NEBL: variants seen among roughly 807,000 people sequenced by gnomAD.
NEBL encodes nebulette, also known as LIM and SH3 protein 2.
NEBL carries 122 observed loss-of-function variants against 140.2 expected under a neutral mutation model. The observed-to-expected ratio is 0.87, with a 90% confidence interval of 0.75 to 1.01. The LOEUF is 1.01. Ranked by LOEUF, NEBL falls within the 50% of genes least tolerant of loss-of-function variation. The pLI, the probability that NEBL is intolerant of heterozygous loss-of-function variation, is 0.00. For synonymous variants in NEBL, 436 were observed against 398.9 expected, an observed-to-expected ratio of 1.09 and a Z score of -1.11; for missense variants, 1,365 against 1,231.3, an observed-to-expected ratio of 1.11 and a Z score of -1.62.
intron 2 of NEBL, among the ~76,000 whole-genome samples, chr10:21,117,055 G>A (rs1266380305): frequency 6.6e-6 from 1 of 151,956 alleles, no homozygotes; most frequent in East Asian, 1.9e-4. Flanking sequence ...TTTAAATATT[G>A]CTGAGCTTGA....
intron 2 of NEBL, among the ~76,000 whole-genome samples, chr10:21,158,841 C>T (rs764578734): frequency 1.8e-4 from 28 of 152,334 alleles, no homozygotes; most frequent in South Asian, 4.1e-4. Context: ...ATAGGAATTG[C>T]ATGAAAGCTA....
At chr10:21,218,752 C>T (rs1417741164) in intron 3 of NEBL, among the ~76,000 whole-genome samples, 1 of 152,152 alleles carries the variant, frequency 6.6e-6, no homozygotes, top group Non-Finnish European at 1.5e-5. Flanking sequence ...AGTGATCAGA[C>T]TTGGGGACAC....
rs560000213 is a variant in NEBL, at chr10:20,903,947, G to C, written c.357+57725C>G. ...AAGTGACAAGTGCACTAAAATCTCA[G>C]ACATCAACATGATAAAATTCATCCA... On this transcript the variant is annotated intron_variant, in intron 4 of 6. Transcript: ENST00000417816. Among the ~76,000 whole-genome samples the C allele has an allele frequency of 4.0e-5, 6 of 151,430 alleles. No homozygotes were observed. The South Asian group carries it at 1.3e-3, about 32-fold the overall frequency.
intron 5 of NEBL, among the ~76,000 whole-genome samples, chr10:20,873,619 C>T (rs1329490306): frequency 1.3e-5 from 2 of 152,108 alleles, no homozygotes; most frequent in Non-Finnish European, 2.9e-5. Context: ...AAGGACTTAA[C>T]ATTCACTCCC....
chr10:20,922,607 A>AT (rs1184642695), intron 4 of NEBL, among the ~76,000 whole-genome samples: 1 of 152,222 alleles, frequency 6.6e-6, no homozygotes, highest in Non-Finnish European at 1.5e-5. Context: ...AGGGAAGGAG[A>AT]TTCTACAAAC....
rs760289924 is a variant in NEBL at position 21,020,148 on chromosome 10, C to T, written c.218G>A (p.Arg73His). ...CTGCAATTCACTTTGCTGCTTCAGG[C>T]GAAGATTTTCAGGTGTATCTGCCAC... The change falls in exon 3 of 7, where the codon CGC becomes CAC. Residue 73 changes from arginine to histidine, a missense_variant. Arg to His is a conservative substitution (Grantham distance 29). Coordinates refer to the NEBL transcript ENST00000417816. 1.2e-6 allele frequency: 2 copies of T among 1,614,070 alleles called. No individual in the cohort carries two copies. Among genetic ancestry groups the T allele is most frequent in the Non-Finnish European group, 8.5e-7 (1 of 1,179,970 alleles).
At chr10:21,050,209 C>T (rs1834711510) in intron 2 of NEBL, among the ~76,000 whole-genome samples, 1 of 152,174 alleles carries the variant, frequency 6.6e-6, no homozygotes, top group South Asian at 2.1e-4. Context: ...TAGATACGTG[C>T]TGATAAATTC....
intron 4 of NEBL, among the ~76,000 whole-genome samples, chr10:20,883,054 A>AC (rs1246857898): frequency 2.0e-5 from 3 of 152,212 alleles, no homozygotes; most frequent in Non-Finnish European, 4.4e-5. Flanking sequence ...TGAACACCTT[A>AC]CATGCTCTCT....
chr10:21,146,208 G>A, intron 2 of NEBL: 1 of 690,514 alleles, frequency 1.4e-6, no homozygotes, highest in South Asian at 2.2e-5. Flanking sequence ...TGCAAAGGAA[G>A]TTTATTTCAT....
At chr10:20,892,518 G>A (rs1847114175) in intron 2 of NEBL, among the ~76,000 whole-genome samples, 1 of 152,170 alleles carries the variant, frequency 6.6e-6, no homozygotes, top group Non-Finnish European at 1.5e-5. Flanking sequence ...TACTTGTTAA[G>A]CCATTGTGTT....
chr10:21,163,056 T>TTACAGA (rs1478599793), intron 2 of NEBL, among the ~76,000 whole-genome samples: 2 of 152,250 alleles, frequency 1.3e-5, no homozygotes, highest in African/African-American at 4.8e-5. Context: ...TATACCCATT[T>TTACAGA]TACAGATGAG....
chr10:20,867,330 T>C (rs1393528985), intron 7 of NEBL, among the ~76,000 whole-genome samples: 1 of 152,162 alleles, frequency 6.6e-6, no homozygotes, highest in East Asian at 1.9e-4. Flanking sequence ...GGACTTATTT[T>C]ATGCTCTTCA....
upstream of NEBL, among the ~76,000 whole-genome samples, chr10:21,175,833 T>A (rs1041639255): frequency 3.9e-5 from 6 of 152,350 alleles, no homozygotes; most frequent in Middle Eastern, 3.4e-3. Context: ...AGTTTTTTTT[T>A]AAACATTTAC....
intron 3 of NEBL, among the ~76,000 whole-genome samples, chr10:21,227,711 T>TTCTTTCTTCTTCTTCTTC (rs1456600511): frequency 2.2e-5 from 1 of 46,474 alleles, no homozygotes; most frequent in Non-Finnish European, 5.0e-5. Flanking sequence ...CTTCTTCTTC[T>TTCTTTCTTCTTCTTCTTC]TTCTTCTTCT....
At chr10:20,992,773 T>A (rs1211881425) in intron 3 of NEBL, among the ~76,000 whole-genome samples, 30 of 116,506 alleles carry the variant, frequency 2.6e-4, no homozygotes, top group African/African-American at 1.0e-3. Flanking sequence ...GTCTTTTTTT[T>A]TTTTTTTTTT....
chr10:21,087,845 G>A (rs934568637), intron 2 of NEBL, among the ~76,000 whole-genome samples: 1 of 152,140 alleles, frequency 6.6e-6, no homozygotes, highest in African/African-American at 2.4e-5. Context: ...GACTTACGTG[G>A]AAATTACTGA....
At chr10:21,115,901 T>C (rs953036773) in intron 2 of NEBL, among the ~76,000 whole-genome samples, 1 of 152,164 alleles carries the variant, frequency 6.6e-6, no homozygotes, top group African/African-American at 2.4e-5. Context: ...TGGGCTATTT[T>C]CTACGGTCCC....
chr10:20,807,981 TAAA>T (rs142094437), intron 26 of NEBL, among the ~76,000 whole-genome samples: 2 of 139,780 alleles, frequency 1.4e-5, no homozygotes, highest in East Asian at 2.1e-4. Context: ...ATTTCTCATT[TAAA>T]AAAAAAAAAA....
intron 4 of NEBL, among the ~76,000 whole-genome samples, chr10:20,939,631 C>T (rs1313588143): frequency 6.6e-6 from 1 of 152,128 alleles, no homozygotes; most frequent in African/African-American, 2.4e-5. Flanking sequence ...TTAAAAGGCA[C>T]AGACTGGCAA....
Sources: allele counts gnomAD v4.1 joint callset (sites outside exome capture counted in the v4.1 genomes callset), GRCh38; gene constraint gnomAD v4.1.1; transcripts MANE v1.5; gene names NCBI Gene and HGNC (gene_info 2026-07-23, HGNC 2026-07-21).